FAM135B: variants seen among roughly 807,000 people sequenced by gnomAD.
FAM135B encodes family with sequence similarity 135 member B.
Under a neutral mutation model 127.7 loss-of-function variants are expected in FAM135B, and 43 were observed. That is an observed-to-expected ratio of 0.34 (90% CI 0.26 to 0.43). The LOEUF (loss-of-function observed/expected upper bound fraction) is 0.43. Among genes scored for constraint, FAM135B ranks in the 20% least tolerant of loss-of-function variants. FAM135B has a pLI of 1.00. For missense variants in FAM135B, 1,558 were observed against 1,725.6 expected, an observed-to-expected ratio of 0.90 and a Z score of 1.72; for synonymous variants, 670 against 665.1, an observed-to-expected ratio of 1.01 and a Z score of -0.11.
chr8:138,312,096 A>G (rs62531070), intron 2 of FAM135B, among the ~76,000 whole-genome samples: 1 of 151,992 alleles, frequency 6.6e-6, no homozygotes, highest in Non-Finnish European at 1.5e-5. Context: ...AGAGGCACGC[A>G]CCACCACGCC....
intron 1 of FAM135B, among the ~76,000 whole-genome samples, chr8:138,422,174 G>T: frequency 6.6e-6 from 1 of 152,040 alleles, no homozygotes; most frequent in East Asian, 1.9e-4. Context: ...AACCCTAGAA[G>T]AAAACCTAGG....
chr8:138,151,227 G>A lies in FAM135B; in HGVS notation c.3248C>T (p.Thr1083Met), dbSNP rs189815537. The change falls in exon 13 of 20, where the codon ACG (threonine) becomes ATG (methionine). Residue 1083 changes from threonine to methionine, a missense_variant. Physicochemically the swap from Thr to Met is moderately conservative, Grantham distance 81. Coordinates refer to ENST00000395297, the MANE Select transcript of FAM135B (RefSeq NM_015912.4). ...CCTCTCACTGACTTCCTCATCCAAC[G>A]TGCTGGAATGGGTAGAAACAACTCC... ...SFGVVSTHSS[T>M]LDEEVSERMF... is the part of the protein sequence containing the mutation. 6.4e-6 allele frequency: 10 copies of A among 1,572,732 alleles called. No individual in the cohort carries two copies. Among genetic ancestry groups the A allele is most frequent in the Middle Eastern group, 1.7e-4 (1 of 5,812 alleles).
Position 138,165,630 on chromosome 8 carries a change from CTG to C in FAM135B, c.1258+2263_1258+2264del, listed in dbSNP as rs201399203. On this transcript the variant is annotated intron_variant, in intron 12 of 19. Coordinates refer to ENST00000395297, the MANE Select transcript of FAM135B (RefSeq NM_015912.4). ...TTTCTTCTCCAACAGTTCAGATTCT[CTG>C]TAGTTAAATCATGTAACTCTAATGA... Among the ~76,000 whole-genome samples, 716 of 152,290 alleles carry C rather than the reference CTG, an allele frequency of 4.7e-3. 2 individuals are homozygous for C. The highest frequency in any genetic ancestry group is 0.014 in the African/African-American group (565 of 41,552).
chr8:138,218,739 T>C (rs1818764260), intron 7 of FAM135B, among the ~76,000 whole-genome samples: 1 of 146,992 alleles, frequency 6.8e-6, no homozygotes, highest in African/African-American at 2.6e-5. Flanking sequence ...GCCCTGCTCC[T>C]CCCAAACTTA....
intron 3 of FAM135B, among the ~76,000 whole-genome samples, chr8:138,297,404 A>G (rs1211270434): frequency 6.6e-6 from 1 of 152,234 alleles, no homozygotes; most frequent in Non-Finnish European, 1.5e-5. Flanking sequence ...ACCATTTTAG[A>G]GGTGGAGCCA....
chr8:138,367,392 G>A (rs767766159), intron 2 of FAM135B: 2 of 456,300 alleles, frequency 4.4e-6, no homozygotes, highest in South Asian at 3.1e-5. Flanking sequence ...CACGTGAAAT[G>A]CCAAATTCAG....
rs74382672 is a variant in FAM135B, at chr8:138,179,313, C to T, written c.874-623G>A. Reference sequence around the variant, plus strand: ...ACTCTGTATCCCATCAAATTCTGGACGCAGTACTTCACAGCAGTTATAACT... The same window carrying T: ...ACTCTGTATCCCATCAAATTCTGGATGCAGTACTTCACAGCAGTTATAACT... On this transcript the variant is annotated intron_variant, in intron 9 of 19. Transcript: ENST00000395297. Among the ~76,000 whole-genome samples, 1,043 of 152,296 alleles carry T rather than the reference C, an allele frequency of 6.8e-3. 10 individuals are homozygous for T. Among genetic ancestry groups the T allele is most frequent in the African/African-American group, 0.02 (847 of 41,572 alleles).
intron 7 of FAM135B, among the ~76,000 whole-genome samples, chr8:138,238,219 A>C (rs556650036): frequency 4.1e-4 from 63 of 152,308 alleles, no homozygotes; most frequent in African/African-American, 1.4e-3. Flanking sequence ...GATAAATGAC[A>C]GAAAAAAATA....
Position 138,143,208 on chromosome 8 carries a change from T to A in FAM135B, c.3541-99A>T. 4.4e-6 allele frequency: 3 copies of A among 689,246 alleles called. No individual in the cohort carries two copies. The South Asian group carries it at 4.9e-5, about 11-fold the overall frequency. The allele number at this position is 689,246 out of a possible 1,614,324, so 42.7% of individuals were successfully genotyped here. On this transcript the variant is annotated intron_variant, in intron 15 of 19. Coordinates refer to ENST00000395297, the MANE Select transcript of FAM135B (RefSeq NM_015912.4). Reference sequence around the variant, plus strand: ...TTCCACTAAACACTGTGGCGCCTACTGGGGATGTGCCTACCTCTGATGTTA... The same window carrying A: ...TTCCACTAAACACTGTGGCGCCTACAGGGGATGTGCCTACCTCTGATGTTA...
intron 1 of FAM135B, among the ~76,000 whole-genome samples, chr8:138,411,816 C>T (rs1833887176): frequency 6.6e-6 from 1 of 152,110 alleles, no homozygotes; most frequent in Non-Finnish European, 1.5e-5. Flanking sequence ...ATAGAGTCAT[C>T]CTAGGTGCCC....
chr8:138,472,553 G>A lies in FAM135B; in HGVS notation c.-20+24118C>T, dbSNP rs79320963. ...GCACACGTGGTGGGAGGTAGACAACGGAAGGAGGGTATAATTTGGAAGATT... is the reference window on the plus strand; with the variant it reads ...GCACACGTGGTGGGAGGTAGACAACAGAAGGAGGGTATAATTTGGAAGATT... On this transcript the variant is annotated intron_variant, in intron 1 of 19. Coordinates refer to ENST00000395297, the MANE Select transcript of FAM135B (RefSeq NM_015912.4). Among the ~76,000 whole-genome samples, 982 of 152,216 alleles carry A rather than the reference G, an allele frequency of 6.5e-3. 8 individuals carry two copies. The highest frequency in any genetic ancestry group is 0.022 in the African/African-American group (931 of 41,534).
chr8:138,211,576 G>A (rs969352239), intron 7 of FAM135B, among the ~76,000 whole-genome samples: 2 of 152,218 alleles, frequency 1.3e-5, no homozygotes, highest in Non-Finnish European at 2.9e-5. Context: ...CCATGCTGAA[G>A]TGACAGTATT....
chr8:138,218,766 C>CACACAGAGAGAG (rs1469155017), intron 7 of FAM135B, among the ~76,000 whole-genome samples: 9 of 80,496 alleles, frequency 1.1e-4, no homozygotes, highest in African/African-American at 3.6e-4. Context: ...CACACACACA[C>CACACAGAGAGAG]AGAGAGAGAG....
chr8:138,219,432 G>A (rs1818854172), intron 7 of FAM135B, among the ~76,000 whole-genome samples: 1 of 152,144 alleles, frequency 6.6e-6, no homozygotes. Flanking sequence ...GCTGCCTTTA[G>A]TCATTTCACA....
chr8:138,245,664 G>T (rs1288972050), intron 6 of FAM135B, among the ~76,000 whole-genome samples: 1 of 152,146 alleles, frequency 6.6e-6, no homozygotes, highest in Non-Finnish European at 1.5e-5. Flanking sequence ...AGCAGCATAA[G>T]AATGGACTAA....
At chr8:138,228,775 G>A (rs1021296187) in intron 7 of FAM135B, among the ~76,000 whole-genome samples, 1 of 151,964 alleles carries the variant, frequency 6.6e-6, no homozygotes. Context: ...GGACAGCAAG[G>A]CTTGCAAGCG....
chr8:138,323,106 C>A (rs1587089594), intron 2 of FAM135B, among the ~76,000 whole-genome samples: 1 of 152,322 alleles, frequency 6.6e-6, no homozygotes, highest in African/African-American at 2.4e-5. Context: ...AATATTTCAG[C>A]AGAACTTGTC....
chr8:138,233,937 A>T (rs1399460866), intron 7 of FAM135B, among the ~76,000 whole-genome samples: 1 of 152,224 alleles, frequency 6.6e-6, no homozygotes, highest in African/African-American at 2.4e-5. Context: ...AATGATACTC[A>T]GCATCACTAA....
At chr8:138,280,401 T>C (rs1461798053) in intron 3 of FAM135B, among the ~76,000 whole-genome samples, 1 of 152,070 alleles carries the variant, frequency 6.6e-6, no homozygotes, top group Non-Finnish European at 1.5e-5. Context: ...CAGTCAACAT[T>C]ATGGTGCAGA....
Sources: allele counts gnomAD v4.1 joint callset (sites outside exome capture counted in the v4.1 genomes callset), GRCh38; gene constraint gnomAD v4.1.1; transcripts MANE v1.5; gene names NCBI Gene and HGNC (gene_info 2026-07-23, HGNC 2026-07-21).